Variants in NIN observed in about 807,000 individuals in gnomAD.
The protein encoded by NIN is glycogen synthase kinase 3 beta-interacting protein.
A neutral mutation model predicts 257.6 loss-of-function variants in NIN; 137 were observed. That is an observed-to-expected ratio of 0.53 (90% CI 0.46 to 0.61). NIN has a LOEUF of 0.61. Among genes scored for constraint, NIN ranks in the 20% least tolerant of loss-of-function variants. The pLI is 0.00. For synonymous variants in NIN, 918 were observed against 919.8 expected, an observed-to-expected ratio of 1.00 and a Z score of 0.04; for missense variants, 2,439 against 2,501.2, an observed-to-expected ratio of 0.98 and a Z score of 0.53.
chr14:50,777,639 A>AATTC (rs1375488156), intron 6 of NIN, among the ~76,000 whole-genome samples: 2 of 152,032 alleles, frequency 1.3e-5, no homozygotes, highest in Non-Finnish European at 2.9e-5. Context: ...ATCCTTACAT[A>AATTC]TGAATATTCT....
At chr14:50,769,942 CAAA>C (rs1176244770) in intron 12 of NIN, among the ~76,000 whole-genome samples, 2 of 84,362 alleles carry the variant, frequency 2.4e-5, no homozygotes, top group Non-Finnish European at 2.5e-5. Context: ...GACCCCATCT[CAAA>C]AAAAAAAAAA....
chr14:50,732,498 T>C (rs1231201595), intron 28 of NIN, among the ~76,000 whole-genome samples: 3 of 152,208 alleles, frequency 2.0e-5, no homozygotes, highest in Non-Finnish European at 4.4e-5. Context: ...AGCCGAGTGA[T>C]GAACAGGTTT....
Position 50,755,644 on chromosome 14 carries a change from G to GTC in NIN, c.4539-779_4539-778dup, listed in dbSNP as rs1272093859. ...AAGATAAATTTCCACTGTTTGTTTT[G>GTC]TCTCTTTTTTTTTTTTTTTTTTTTT... On this transcript the variant is annotated intron_variant, in intron 18 of 30. Coordinates refer to ENST00000530997, the MANE Select transcript of NIN (RefSeq NM_020921.4). Among the ~76,000 whole-genome samples the GTC allele has an allele frequency of 9.2e-3, 709 of 76,664 alleles. 4 individuals are homozygous for GTC. Among genetic ancestry groups the GTC allele is most frequent in the Non-Finnish European group, 0.012 (497 of 41,572 alleles). The allele number at this position is 76,664 out of a possible 152,430, so 50.3% of individuals were successfully genotyped here.
chr14:50,770,947 T>G lies in NIN; in HGVS notation c.1164A>C (p.Ser388=). 1 of 1,614,236 alleles carries G rather than the reference T, an allele frequency of 6.2e-7. No individual in the cohort carries two copies. The highest frequency in any genetic ancestry group is 8.5e-7 in the Non-Finnish European group (1 of 1,180,040). Residue 388 remains serine (S), a synonymous_variant, in exon 11 of 31, where the codon TCA becomes TCC. Transcript: ENST00000530997. ...QVVREKEKLR[S]DLDKAEKLKS... Reference sequence around the variant, plus strand: ...TGAGCTTCTCGGCCTTGTCCAGATCTGACCGTAGCTTCTCTTTTTCTCTGA... The same window carrying G: ...TGAGCTTCTCGGCCTTGTCCAGATCGGACCGTAGCTTCTCTTTTTCTCTGA...
intron 2 of NIN, among the ~76,000 whole-genome samples, chr14:50,824,484 C>T (rs575911898): frequency 6.6e-6 from 1 of 152,318 alleles, no homozygotes; most frequent in South Asian, 2.1e-4. Context: ...GGAGATGTTA[C>T]GCATGGTGAC....
intron 3 of NIN, among the ~76,000 whole-genome samples, chr14:50,810,737 C>T (rs922314210): frequency 7.9e-5 from 12 of 151,918 alleles, no homozygotes; most frequent in Non-Finnish European, 1.0e-4. Flanking sequence ...CTCGGCTCAC[C>T]GCAAGCTCCG....
At chr14:50,768,294 G>A (rs2042589829) in intron 12 of NIN, among the ~76,000 whole-genome samples, 2 of 152,084 alleles carry the variant, frequency 1.3e-5, no homozygotes, top group South Asian at 4.1e-4. Flanking sequence ...CCCCTAAAAT[G>A]CCAATTCTGT....
At chr14:50,746,427 G>A (rs61049817) in intron 22 of NIN, among the ~76,000 whole-genome samples, 2 of 152,110 alleles carry the variant, frequency 1.3e-5, no homozygotes, top group Non-Finnish European at 2.9e-5. Flanking sequence ...CACCTATTGA[G>A]TACCAGTACT....
chr14:50,794,659 G>C (rs2043755239), intron 4 of NIN: 1 of 156,844 alleles, frequency 6.4e-6, no homozygotes. Flanking sequence ...TTAGAACCTT[G>C]GATAATGAAC....
chr14:50,816,066 A>G (rs1463444578), intron 3 of NIN, among the ~76,000 whole-genome samples: 1 of 152,170 alleles, frequency 6.6e-6, no homozygotes, highest in Admixed American at 6.6e-5. Flanking sequence ...TGGAGCTGGG[A>G]GCCGTTATCC....
chr14:50,802,155 T>C lies in NIN; in HGVS notation c.265+4582A>G, dbSNP rs562719062. On this transcript the variant is annotated intron_variant, in intron 4 of 30. Coordinates refer to ENST00000530997, the MANE Select transcript of NIN (RefSeq NM_020921.4). ...CCAGAAAAATAATTTAAAAATTAGA[T>C]TGTACACATAGATATGAAAGAATTA... 2.8e-4 allele frequency among the ~76,000 whole-genome samples: 42 copies of C among 152,340 alleles called. 1 individual carries two copies. The South Asian group carries it at 8.3e-3, about 30-fold the overall frequency.
chr14:50,757,270 C>T lies in NIN; in HGVS notation c.3760G>A (p.Asp1254Asn), dbSNP rs1286951707. The T allele has an allele frequency of 2.5e-6, 4 of 1,614,164 alleles. No homozygotes were observed. The South Asian group carries it at 3.3e-5, about 13-fold the overall frequency. Residue 1254 changes from aspartate (D) to asparagine (N), a missense_variant, in exon 18 of 31, where the codon GAT (aspartate) becomes AAT (asparagine). By Grantham distance (23) the Asp-to-Asn change is conservative. Transcript: ENST00000530997. ...AGGCAGTCATTTTCTCGGCTCACATCTTCATACAACAGCTTATATTTGGGA... is the reference window on the plus strand; with the variant it reads ...AGGCAGTCATTTTCTCGGCTCACATTTTCATACAACAGCTTATATTTGGGA... ...ASPKYKLLYEDVSRENDCLQE... is the reference protein window; with the variant it reads ...ASPKYKLLYENVSRENDCLQE...
chr14:50,811,413 G>A (rs150234302), intron 3 of NIN, among the ~76,000 whole-genome samples: 73 of 151,938 alleles, frequency 4.8e-4, no homozygotes, highest in African/African-American at 1.7e-3. Context: ...CCGGCCTTGA[G>A]GGTATTACTC....
chr14:50,732,617 C>G (rs1051445585), intron 28 of NIN, among the ~76,000 whole-genome samples: 1 of 152,254 alleles, frequency 6.6e-6, no homozygotes, highest in Admixed American at 6.5e-5. Flanking sequence ...ATATATTTAT[C>G]ACAGGTTAAA....
At chr14:50,779,586 A>G (rs1036158562) in intron 5 of NIN, among the ~76,000 whole-genome samples, 12 of 152,144 alleles carry the variant, frequency 7.9e-5, no homozygotes, top group Non-Finnish European at 1.6e-4. Context: ...ATGAAACCCC[A>G]TCTCTACCAA....
In NIN at chr14:50,735,590, CTTG is replaced by C. The variant is rs769624597; in HGVS notation, c.5800_5802del (p.Gln1934del). 10 of 1,612,090 alleles carry C rather than the reference CTTG, an allele frequency of 6.2e-6. No individual in the cohort carries two copies. The South Asian group carries it at 7.7e-5, about 12-fold the overall frequency. On this transcript the variant is annotated inframe_deletion, in exon 28 of 31. Coordinates refer to ENST00000530997, the MANE Select transcript of NIN (RefSeq NM_020921.4). ...TTTTCCAAATGAATTGTTTCTAATT[CTTG>C]TTCAAGGGAATTCATCTGACTGACC...
rs997106658 is a variant in NIN, at chr14:50,777,083, G to C, written c.532C>G (p.Pro178Ala). The C allele has an allele frequency of 6.2e-7, 1 of 1,613,974 alleles. No homozygotes were observed. The highest frequency in any genetic ancestry group is 8.5e-7 in the Non-Finnish European group (1 of 1,179,984). Residue 178 changes from proline (P) to alanine (A), a missense_variant, in exon 7 of 31, where the codon CCT becomes GCT. Around this residue, in one of 3 missense-constraint regions of NIN, gnomAD observed 387 missense variants for 427.3 expected, o/e 0.91. Transcript: ENST00000530997. ...TTCTCTTCTATCCAGTCTTGGGGAG[G>C]GGAAGATCCACTCTGTGAAGCATTC... The part of the protein sequence containing the change: ...DLNASQSGSS[P>A]PQDWIEEKLQ...
rs1178023381 is a variant in NIN, at chr14:50,757,398, C to A, written c.3632G>T (p.Cys1211Phe). 1.2e-6 allele frequency: 2 copies of A among 1,614,214 alleles called. No individual in the cohort carries two copies. Among genetic ancestry groups the A allele is most frequent in the South Asian group, 2.2e-5 (2 of 91,082 alleles). ...SQLQEQLMML[C>F]ADCDRASEKK... ...TTCAGAAGCTCGATCACAGTCCGCA[C>A]ATAACATCATTAGCTGTTCCTGAAG... The change falls in exon 18 of 31, where the codon TGT (cysteine) becomes TTT (phenylalanine). Residue 1211 changes from cysteine (C) to phenylalanine (F), a missense_variant. Transcript: ENST00000530997.
At chr14:50,797,460 G>A (rs2043892388) in intron 4 of NIN, among the ~76,000 whole-genome samples, 1 of 152,114 alleles carries the variant, frequency 6.6e-6, no homozygotes, top group Non-Finnish European at 1.5e-5. Flanking sequence ...CATTGCTGCT[G>A]AGCTCACAGG....
Sources: gnomAD v4.1 joint callset for allele counts (sites outside exome capture counted in the v4.1 genomes callset) on GRCh38, gnomAD v4.1.1 for gene constraint, gnomAD v4.1.1 regional missense constraint, MANE v1.5 for transcripts, NCBI Gene and HGNC (gene_info 2026-07-23, HGNC 2026-07-21) for gene names.